The following TNS1 variants were observed in gnomAD, a reference collection of about 807,000 sequenced individuals.
The protein encoded by TNS1 is tensin-1.
In TNS1, 62 loss-of-function variants were observed where a neutral mutation model predicts 168.6. The observed-to-expected ratio is 0.37, with a 90% CI of 0.30 to 0.45. TNS1 has a LOEUF of 0.45. Ranked by LOEUF, TNS1 falls within the 20% of genes least tolerant of loss-of-function variation. The probability of loss-of-function intolerance (pLI) is 1.00; values close to 1 mark genes in which losing one functional copy is unlikely to be tolerated. For synonymous variants in TNS1, 934 were observed against 933.2 expected (o/e 1.00, Z -0.02); for missense variants, 2,240 against 2,339.4 (o/e 0.96, Z 0.88).
intron 8 of TNS1, 42 bp from the exon 9 acceptor site, chr2:217,895,098 G>A: frequency 6.3e-7 from 1 of 1,578,522 alleles, no homozygotes; most frequent in South Asian, 1.1e-5. Context: ...AGGTGAGGGT[G>A]AGGAGGGCGG....
intron 3 of TNS1, among the ~76,000 whole-genome samples, chr2:217,955,461 C>T (rs562554033): frequency 1.3e-3 from 200 of 151,938 alleles, no homozygotes; most frequent in Non-Finnish European, 1.8e-3. Context: ...CCACCAGTCC[C>T]TCCAAGCTTA....
intron 18 of TNS1, among the ~76,000 whole-genome samples, chr2:217,872,629 AAC>A: frequency 6.6e-6 from 1 of 152,340 alleles, no homozygotes; most frequent in Admixed American, 6.5e-5. Context: ...CACTTTGGGA[AAC>A]ACTCTGGCTG....
chr2:217,812,335 G>T (rs367619272), intron 28 of TNS1, 33 bp downstream of exon 28: 94 of 1,588,626 alleles, frequency 5.9e-5, no homozygotes, highest in Non-Finnish European at 7.6e-5. Flanking sequence ...GCTCAAGGGT[G>T]TGGGTGGTGA....
chr2:217,963,881 T>C (rs1250678837), intron 3 of TNS1, among the ~76,000 whole-genome samples: 1 of 96,678 alleles, frequency 1.0e-5, no homozygotes, highest in African/African-American at 4.2e-5. Flanking sequence ...CCATCTCTAC[T>C]AAAAATACAA....
At chr2:217,881,964 A>T in intron 17 of TNS1, 1 of 172,494 alleles carries the variant, frequency 5.8e-6, no homozygotes, top group Non-Finnish European at 1.2e-5. Flanking sequence ...TTATTAAACC[A>T]GCCTTCAGGT....
chr2:217,850,119 C>G (rs554990974), intron 18 of TNS1: 13 of 985,376 alleles, frequency 1.3e-5, no homozygotes, highest in African/African-American at 3.5e-5. Flanking sequence ...AGGAAAGGGA[C>G]GCGGGTCCTG....
chr2:217,825,468 C>A (rs917220609), intron 22 of TNS1, among the ~76,000 whole-genome samples: 5 of 152,224 alleles, frequency 3.3e-5, no homozygotes. Flanking sequence ...TTTAAGAGTC[C>A]ATCAACTGTC....
intron 1 of TNS1, among the ~76,000 whole-genome samples, chr2:218,016,007 T>G (rs1574481890): frequency 3.6e-5 from 5 of 138,284 alleles, no homozygotes; most frequent in Non-Finnish European, 4.7e-5. Context: ...GGAGAGAGAG[T>G]GAGATGAATG....
chr2:217,956,719 G>T (rs1437241544), intron 3 of TNS1, among the ~76,000 whole-genome samples: 1 of 152,170 alleles, frequency 6.6e-6, no homozygotes, highest in African/African-American at 2.4e-5. Context: ...AGTCAATGAG[G>T]TCTAGAGCTG....
intron 22 of TNS1, 66 bp from the exon 23 acceptor site, chr2:217,822,004 C>T (rs1942941510): frequency 1.4e-6 from 2 of 1,464,348 alleles, no homozygotes; most frequent in Admixed American, 2.5e-5. Flanking sequence ...AGGTCCCCCC[C>T]AACCTCCCCT....
chr2:217,879,657 C>G, intron 18 of TNS1: 1 of 274,540 alleles, frequency 3.6e-6, no homozygotes, highest in Non-Finnish European at 7.3e-6. Context: ...CTCTCTGAAA[C>G]CTTGTGCTCA....
rs890289555 is a variant in TNS1 at position 217,961,044 on chromosome 2, C to T, written c.186+17721G>A. Among the ~76,000 whole-genome samples, 6 of 152,158 alleles carry T rather than the reference C, an allele frequency of 3.9e-5. No homozygotes were observed. In the East Asian group the frequency reaches 7.8e-4, roughly 20 times the overall value. ...GGGTTTTCCCCTTGCAGGAAGGCTC[C>T]TCTCTCCCTAGCTTCCATGTCTCCC... On this transcript the variant is annotated intron_variant, in intron 3 of 32. Transcript: ENST00000682258.
chr2:217,869,576 TGGA>T (rs1053449590), intron 18 of TNS1, among the ~76,000 whole-genome samples: 1 of 152,054 alleles, frequency 6.6e-6, no homozygotes, highest in Non-Finnish European at 1.5e-5. Context: ...AGTGGCCTGA[TGGA>T]GTCTCCCCAG....
rs1947103147 is a variant in TNS1, at chr2:217,849,017, C to G, written c.1500G>C (p.Leu500=). 6.2e-7 allele frequency: 1 copy of G among 1,613,868 alleles called. No individual in the cohort carries two copies. The highest frequency in any genetic ancestry group is 1.3e-5 in the African/African-American group (1 of 74,856). Residue 500 remains leucine, a synonymous_variant, in exon 19 of 33, where the codon CTG becomes CTC. Coordinates refer to ENST00000682258, the MANE Select transcript of TNS1 (RefSeq NM_001387777.1). ...LYAKVKKKDS[L]HGSTGAVNAT... is the part of the protein sequence containing the mutation. The stretch of plus-strand genomic sequence containing the variant: ...CATTAACAGCCCCGGTGCTGCCGTG[C>G]AGGGAGTCTTTCTTCTTCACCTTAG...
intron 24 of TNS1, among the ~76,000 whole-genome samples, chr2:217,817,093 G>C (rs375017459): frequency 6.6e-6 from 1 of 152,206 alleles, no homozygotes; most frequent in Admixed American, 6.5e-5. Flanking sequence ...CAAAGGTATG[G>C]AGATCCAGGT....
At chr2:217,952,183 T>C (rs1278871056) in intron 3 of TNS1, among the ~76,000 whole-genome samples, 2 of 152,220 alleles carry the variant, frequency 1.3e-5, no homozygotes, top group East Asian at 1.9e-4. Flanking sequence ...GCACTTAACA[T>C]GTGCCAAGCC....
intron 3 of TNS1, among the ~76,000 whole-genome samples, chr2:217,955,762 G>C (rs1957346431): frequency 6.6e-6 from 1 of 152,228 alleles, no homozygotes; most frequent in South Asian, 2.1e-4. Context: ...TCCTAAGCCA[G>C]GGGTCTGTCC....
chr2:218,006,002 G>C (rs1482663890), upstream of TNS1, among the ~76,000 whole-genome samples: 1 of 152,156 alleles, frequency 6.6e-6, no homozygotes, highest in Non-Finnish European at 1.5e-5. Context: ...AGCAGACATG[G>C]AGTACACACT....
At chr2:217,945,024 T>C (rs1957067741) in intron 3 of TNS1, among the ~76,000 whole-genome samples, 1 of 152,196 alleles carries the variant, frequency 6.6e-6, no homozygotes, top group Non-Finnish European at 1.5e-5. Context: ...CCGGTTATTA[T>C]AGCTGAAGAT....
Sources: allele counts gnomAD v4.1 joint callset (sites outside exome capture counted in the v4.1 genomes callset), GRCh38; gene constraint gnomAD v4.1.1; transcripts MANE v1.5; gene names NCBI Gene and HGNC (gene_info 2026-07-23, HGNC 2026-07-21).